Variants in RLF observed in about 807,000 individuals in gnomAD.
RLF encodes the protein zinc finger protein Rlf.
RLF carries 7 observed loss-of-function variants against 162.9 expected under a neutral mutation model. The observed-to-expected ratio is 0.04, with a 90% CI of 0.02 to 0.08. The LOEUF is 0.08. Ranked by LOEUF, RLF falls within the 10% of genes least tolerant of loss-of-function variation. RLF has a pLI of 1.00. For missense variants in RLF, 1,664 were observed against 2,244.7 expected (o/e 0.74, Z 5.23); for synonymous variants, 782 against 791.5 (o/e 0.99, Z 0.20).
chr1:40,178,675 T>C (rs1642365027), intron 1 of RLF, among the ~76,000 whole-genome samples: 1 of 147,286 alleles, frequency 6.8e-6, no homozygotes, highest in Admixed American at 6.7e-5. Context: ...GCTATGGTCT[T>C]TTTTGTTTTG....
intron 5 of RLF, among the ~76,000 whole-genome samples, chr1:40,216,475 C>T (rs183001966): frequency 1.4e-4 from 20 of 143,628 alleles, no homozygotes; most frequent in Non-Finnish European, 2.0e-4. Flanking sequence ...GCAACAAGAG[C>T]GAAACTCTGT....
rs1449936651 is a variant in RLF at position 40,237,793 on chromosome 1, A to G, written c.3091A>G (p.Ile1031Val). 3 of 1,614,132 alleles carry G rather than the reference A, an allele frequency of 1.9e-6. No homozygotes were observed. The highest frequency in any genetic ancestry group is 2.5e-6 in the Non-Finnish European group (3 of 1,180,004). Reference sequence around the variant, plus strand: ...CCCAGATGAAGGTCTAGATCACAATATTCACATTAAATGTAAACGAGAACA... The same window carrying G: ...CCCAGATGAAGGTCTAGATCACAATGTTCACATTAAATGTAAACGAGAACA... ...DSPDEGLDHN[I>V]HIKCKREHQG... Residue 1031 changes from isoleucine to valine, a missense_variant, in exon 8 of 8, where the codon ATT becomes GTT. Physicochemically the swap from Ile to Val is conservative, Grantham distance 29 (BLOSUM62 3). Coordinates refer to ENST00000372771, the MANE Select transcript of RLF (RefSeq NM_012421.4). The surrounding 1 kb of genome is among the most constrained non-coding windows in gnomAD (Gnocchi z 4.4).
chr1:40,228,710 C>T (rs1287671508), intron 6 of RLF, among the ~76,000 whole-genome samples: 1 of 141,744 alleles, frequency 7.1e-6, no homozygotes, highest in Non-Finnish European at 1.5e-5. Context: ...CAGCCTTGAA[C>T]TCCTGGGCTC....
chr1:40,176,754 T>C (rs1259686251), intron 1 of RLF, among the ~76,000 whole-genome samples: 1 of 152,170 alleles, frequency 6.6e-6, no homozygotes, highest in African/African-American at 2.4e-5. Context: ...TAATGACTTA[T>C]GTCAAGTGTC....
intron 3 of RLF, among the ~76,000 whole-genome samples, chr1:40,192,115 T>G (rs1192741486): frequency 6.6e-6 from 1 of 152,208 alleles, no homozygotes; most frequent in Non-Finnish European, 1.5e-5. Flanking sequence ...AGAGGATTCT[T>G]TGTCATGTTC....
At position 40,202,606 on chromosome 1, in the gene RLF, A is replaced by C; in HGVS notation, c.802A>C (p.Ile268Leu). The change falls in exon 5 of 8, where the codon ATT becomes CTT. Residue 268 changes from isoleucine (I) to leucine (L), a missense_variant. By Grantham distance (5) the Ile-to-Leu change is conservative. Coordinates refer to ENST00000372771, the MANE Select transcript of RLF (RefSeq NM_012421.4). ...TTCTATGCTCCCTAATGAAGATGCT[A>C]TTAAGGAGGTGAGTAAATAATTGTT... ...LCSMLPNEDA[I>L]KEIAKVDCKE... The C allele has an allele frequency of 2.6e-6, 4 of 1,514,044 alleles. No individual in the cohort carries two copies. The highest frequency in any genetic ancestry group is 3.5e-6 in the Non-Finnish European group (4 of 1,136,608). The allele number at this position is 1,514,044 out of a possible 1,614,324, so 93.8% of individuals were successfully genotyped here. A position where few individuals can be genotyped will look rare whatever the true frequency, so the allele number is the denominator to read the frequency against.
intron 1 of RLF, among the ~76,000 whole-genome samples, chr1:40,176,556 C>T (rs1642328526): frequency 6.6e-6 from 1 of 152,236 alleles, no homozygotes; most frequent in African/African-American, 2.4e-5. Flanking sequence ...TCTCCCACGA[C>T]AGCCTCCCAA....
intron 6 of RLF, among the ~76,000 whole-genome samples, chr1:40,228,036 G>T: frequency 6.6e-6 from 1 of 152,066 alleles, no homozygotes; most frequent in Non-Finnish European, 1.5e-5. Context: ...TGTAATCCCA[G>T]TACTCTGGGA....
At position 40,240,563 on chromosome 1, in the gene RLF, G is replaced by T; in HGVS notation, c.*116G>T. ...CGTTGTTTAGGGTAGAATAGGCTGT[G>T]TATTTACATGAATGTATAATATCTA... On this transcript the variant is annotated 3_prime_UTR_variant, in exon 8 of 8. Transcript: ENST00000372771. The T allele has an allele frequency of 2.9e-6, 2 of 696,256 alleles. No homozygotes were observed. Among genetic ancestry groups the T allele is most frequent in the Non-Finnish European group, 2.5e-6 (1 of 404,504 alleles). The allele number at this position is 696,256 out of a possible 1,614,324, so 43.1% of individuals were successfully genotyped here. A position where few individuals can be genotyped will look rare whatever the true frequency, so the allele number is the denominator to read the frequency against.
Position 40,161,699 on chromosome 1 carries a change from A to C in RLF, c.237+63A>C. 6.3e-7 allele frequency: 1 copy of C among 1,584,580 alleles called. No individual in the cohort carries two copies. Among genetic ancestry groups the C allele is most frequent in the South Asian group, 1.1e-5 (1 of 89,220 alleles). Reference sequence around the variant, plus strand: ...GGGAAGTCAGGGAAGGAGGCCCTGGATCCTCTGTAAGCAGCCGGGTCCAAA... The same window carrying C: ...GGGAAGTCAGGGAAGGAGGCCCTGGCTCCTCTGTAAGCAGCCGGGTCCAAA... On this transcript the variant is annotated intron_variant, in intron 1 of 7. Coordinates refer to ENST00000372771, the MANE Select transcript of RLF (RefSeq NM_012421.4). The surrounding 1 kb of genome is among the most constrained non-coding windows in gnomAD (Gnocchi z 4.4).
At position 40,240,565 on chromosome 1, in the gene RLF, A is replaced by G; in HGVS notation, c.*118A>G. On this transcript the variant is annotated 3_prime_UTR_variant, in exon 8 of 8. Transcript: ENST00000372771. ...TTGTTTAGGGTAGAATAGGCTGTGT[A>G]TTTACATGAATGTATAATATCTATG... 1.5e-6 allele frequency: 1 copy of G among 686,672 alleles called. No individual in the cohort carries two copies. Among genetic ancestry groups the G allele is most frequent in the South Asian group, 1.9e-5 (1 of 53,776 alleles). The allele number at this position is 686,672 out of a possible 1,614,324, so 42.5% of individuals were successfully genotyped here.
chr1:40,205,371 C>T (rs912835411), intron 5 of RLF, among the ~76,000 whole-genome samples: 10 of 151,924 alleles, frequency 6.6e-5, no homozygotes, highest in South Asian at 4.1e-4. Flanking sequence ...ATAAAAATAA[C>T]GCTGCTTTAG....
chr1:40,196,425 T>G (rs1642637923), intron 4 of RLF, among the ~76,000 whole-genome samples: 1 of 152,124 alleles, frequency 6.6e-6, no homozygotes, highest in Non-Finnish European at 1.5e-5. Flanking sequence ...AAAAAGTTTT[T>G]TTTATTTTAT....
chr1:40,178,908 C>T (rs909604181), intron 1 of RLF, among the ~76,000 whole-genome samples: 1 of 152,046 alleles, frequency 6.6e-6, no homozygotes, highest in African/African-American at 2.4e-5. Flanking sequence ...GATCTCAGCT[C>T]ACTGCAGCCT....
chr1:40,177,259 C>T (rs1487649926), intron 1 of RLF, among the ~76,000 whole-genome samples: 1 of 151,924 alleles, frequency 6.6e-6, no homozygotes, highest in Non-Finnish European at 1.5e-5. Context: ...CATGAGCCAC[C>T]ACAACCGGCC....
Position 40,179,282 on chromosome 1 carries a change from T to A in RLF, c.238-9773T>A, listed in dbSNP as rs377552103. The stretch of plus-strand genomic sequence containing the variant: ...GATTTGAAACTGTAGCCAGAATGCC[T>A]GTTATTTCCCTCTGTTGTTACACAA... On this transcript the variant is annotated intron_variant, in intron 1 of 7. Coordinates refer to ENST00000372771, the MANE Select transcript of RLF (RefSeq NM_012421.4). Among the ~76,000 whole-genome samples the A allele has an allele frequency of 8.5e-5, 13 of 152,348 alleles. 1 individual carries two copies. The highest frequency in any genetic ancestry group is 3.9e-4 in the East Asian group (2 of 5,192).
chr1:40,222,520 G>A (rs1570556290), intron 5 of RLF, 54 bp from the exon 6 acceptor site: 1 of 1,583,458 alleles, frequency 6.3e-7, no homozygotes, highest in East Asian at 2.3e-5. Flanking sequence ...ATATAACAAA[G>A]TTTACTGAAA....
chr1:40,188,528 G>GA (rs890278496), intron 1 of RLF, among the ~76,000 whole-genome samples: 7 of 150,764 alleles, frequency 4.6e-5, no homozygotes, highest in African/African-American at 1.7e-4. Flanking sequence ...CAGGGCTAGT[G>GA]AAAAATAAAA....
intron 1 of RLF, among the ~76,000 whole-genome samples, chr1:40,180,032 A>G (rs1027797930): frequency 1.3e-5 from 2 of 152,180 alleles, no homozygotes; most frequent in African/African-American, 4.8e-5. Context: ...ATTGTAAATA[A>G]TGCTGCTGTG....
Sources: gnomAD v4.1 joint callset for allele counts (sites outside exome capture counted in the v4.1 genomes callset) on GRCh38, gnomAD v4.1.1 for gene constraint, Gnocchi (gnomAD v3.1) non-coding constraint, MANE v1.5 for transcripts, NCBI Gene and HGNC (gene_info 2026-07-23, HGNC 2026-07-21) for gene names.